The following ZNF37A variants were observed in gnomAD, a reference collection of about 807,000 sequenced individuals.
ZNF37A encodes the protein zinc finger protein 37a (KOX 21).
Under a neutral mutation model 12.3 loss-of-function variants are expected in ZNF37A, and 10 were observed. That is an observed-to-expected ratio of 0.82 (90% CI 0.50 to 1.38). ZNF37A has a LOEUF of 1.38. Ranked by LOEUF, ZNF37A falls within the 40% of genes most tolerant of loss-of-function variation. ZNF37A has a pLI of 0.00. For synonymous variants in ZNF37A, 207 were observed against 223.0 expected, an observed-to-expected ratio of 0.93 and a Z score of 0.64; for missense variants, 580 against 651.2, an observed-to-expected ratio of 0.89 and a Z score of 1.19.
chr10:38,145,352 G>T (rs1339066888), intron 7 of ZNF37A, among the ~76,000 whole-genome samples: 1 of 152,128 alleles, frequency 6.6e-6, no homozygotes, highest in African/African-American at 2.4e-5. Flanking sequence ...TGTCTTGATA[G>T]GGTGTCTAGC....
In ZNF37A at chr10:38,124,049, A is replaced by G. The variant is rs2069862716; in HGVS notation, c.*5212A>G. On this transcript the variant is annotated 3_prime_UTR_variant, in exon 8 of 8. Transcript: ENST00000685332. ...TCTGCACCGTGTTTACTGTAGCACT[A>G]CTCACAATAGCCAAGATTTGGAAGC... 1.3e-5 allele frequency: 2 copies of G among 152,224 alleles called. No individual in the cohort carries two copies. The highest frequency in any genetic ancestry group is 6.5e-5 in the Admixed American group (1 of 15,274). The allele number at this position is 152,224 out of a possible 1,614,324, so 9.4% of individuals were successfully genotyped here. A position where few individuals can be genotyped will look rare whatever the true frequency, so the allele number is the denominator to read the frequency against.
At chr10:38,105,623 G>T (rs1397952219) in intron 5 of ZNF37A, among the ~76,000 whole-genome samples, 1 of 152,102 alleles carries the variant, frequency 6.6e-6, no homozygotes, top group African/African-American at 2.4e-5. Context: ...ATTCATGAAG[G>T]CAGAGCTTCC....
chr10:38,122,966 T>C lies in ZNF37A; in HGVS notation c.*4129T>C, dbSNP rs1298824916. On this transcript the variant is annotated 3_prime_UTR_variant, in exon 8 of 8. Coordinates refer to ENST00000685332, the MANE Select transcript of ZNF37A (RefSeq NM_001324250.3). The stretch of plus-strand genomic sequence containing the variant: ...AGTACTACAAAGAAATACTTGAGAC[T>C]GAGTAATTTATAAAGAAGAGGTTTA... 6.6e-6 allele frequency: 1 copy of C among 152,278 alleles called. No homozygotes were observed. Among genetic ancestry groups the C allele is most frequent in the Non-Finnish European group, 1.5e-5 (1 of 68,064 alleles). 9.4% of individuals were successfully genotyped at this position (152,278 alleles called of 1,614,324 possible).
intron 5 of ZNF37A, among the ~76,000 whole-genome samples, chr10:38,112,806 T>TTGG (rs2068920843): frequency 6.7e-6 from 1 of 148,600 alleles, no homozygotes; most frequent in Non-Finnish European, 1.5e-5. Context: ...TTGTCTTGTC[T>TTGG]TGTCTTCTTT....
downstream of ZNF37A, among the ~76,000 whole-genome samples, chr10:38,126,824 C>T (rs574745246): frequency 1.5e-4 from 22 of 151,542 alleles, no homozygotes; most frequent in South Asian, 2.9e-3. Flanking sequence ...CACCCCAGGC[C>T]GAAGCTTTTT....
At chr10:38,138,282 G>T (rs2070137178) in intron 7 of ZNF37A, 1 of 152,218 alleles carries the variant, frequency 6.6e-6, no homozygotes, top group South Asian at 2.1e-4. Flanking sequence ...TCTGGGGACA[G>T]TCAGCTCAAC....
rs997676545 is a variant in ZNF37A, at chr10:38,123,895, T to C, written c.*5058T>C. 6.6e-6 allele frequency: 1 copy of C among 152,152 alleles called. No homozygotes were observed. The highest frequency in any genetic ancestry group is 1.5e-5 in the Non-Finnish European group (1 of 68,002). 9.4% of individuals were successfully genotyped at this position (152,152 alleles called of 1,614,324 possible). On this transcript the variant is annotated 3_prime_UTR_variant, in exon 8 of 8. Transcript: ENST00000685332. The stretch of plus-strand genomic sequence containing the variant: ...AACCTCGTGCACTGTGGAAATGTTA[T>C]TAGTACAACCACTATGGACAACAAT...
At chr10:38,116,005 G>A (rs191968823) in intron 7 of ZNF37A, among the ~76,000 whole-genome samples, 19 of 152,206 alleles carry the variant, frequency 1.2e-4, no homozygotes, top group South Asian at 4.1e-4. Context: ...CCTGGGAAGA[G>A]GCTGCAGTTA....
downstream of ZNF37A, among the ~76,000 whole-genome samples, chr10:38,126,496 G>C (rs1443381770): frequency 6.6e-6 from 1 of 152,154 alleles, no homozygotes; most frequent in Non-Finnish European, 1.5e-5. Context: ...GGCAATACTC[G>C]TCTTAGTGAC....
At chr10:38,138,588 AGTGAG>A (rs1208232564) in intron 7 of ZNF37A, 2 of 152,228 alleles carry the variant, frequency 1.3e-5, no homozygotes, top group African/African-American at 4.8e-5. Flanking sequence ...TAGAATACTT[AGTGAG>A]GTCTAAAATG....
intron 7 of ZNF37A, among the ~76,000 whole-genome samples, chr10:38,116,137 GA>G (rs1205927530): frequency 6.6e-6 from 1 of 152,090 alleles, no homozygotes. Context: ...CGTGAAGCCT[GA>G]AAAAATTTGT....
chr10:38,128,306 G>A (rs1268300218), downstream of ZNF37A, among the ~76,000 whole-genome samples: 2 of 152,070 alleles, frequency 1.3e-5, no homozygotes, highest in Non-Finnish European at 2.9e-5. Context: ...TCGGGCCCTG[G>A]GGTTATGGTG....
At chr10:38,117,264 A>C in intron 7 of ZNF37A, 126 bp from the exon 8 acceptor site, 1 of 1,451,294 alleles carries the variant, frequency 6.9e-7, no homozygotes, top group South Asian at 1.5e-5. Context: ...GGAAGTGTGC[A>C]CATTGTCATA....
chr10:38,106,549 TA>T (rs917588376), intron 5 of ZNF37A, among the ~76,000 whole-genome samples: 6 of 151,990 alleles, frequency 3.9e-5, no homozygotes, highest in Admixed American at 6.5e-5. Context: ...TAATAATAAC[TA>T]ACTCCTCCAA....
chr10:38,146,512 C>T lies in ZNF37A; in HGVS notation c.239-220C>T, dbSNP rs567549801. On this transcript the variant is annotated intron_variant, in intron 7 of 7. Coordinates refer to the ZNF37A transcript ENST00000638053. Reference sequence around the variant, plus strand: ...ATTTTATTGGTGAAAAGACAGATCCCGAGAGACAATGACAAAGATACTTGA... The same window carrying T: ...ATTTTATTGGTGAAAAGACAGATCCTGAGAGACAATGACAAAGATACTTGA... 7.2e-5 allele frequency among the ~76,000 whole-genome samples: 11 copies of T among 152,196 alleles called. No individual in the cohort carries two copies. The South Asian group carries it at 1.2e-3, about 17-fold the overall frequency.
In ZNF37A at chr10:38,119,422, T is replaced by C. The variant is rs2069559307; in HGVS notation, c.*585T>C. The C allele has an allele frequency of 6.1e-6, 6 of 985,144 alleles. No individual in the cohort carries two copies. The highest frequency in any genetic ancestry group is 7.2e-6 in the Non-Finnish European group (6 of 828,458). 61.0% of individuals were successfully genotyped at this position (985,144 alleles called of 1,614,324 possible). A position where few individuals can be genotyped will look rare whatever the true frequency, so the allele number is the denominator to read the frequency against. On this transcript the variant is annotated 3_prime_UTR_variant, in exon 8 of 8. Transcript: ENST00000685332. ...CTATGAGGTTATATTTTATGGAGTA[T>C]ATGTAATAAGAAGTAGCTTCTCAGT...
At chr10:38,135,221 C>T (rs2070092428) in intron 7 of ZNF37A, among the ~76,000 whole-genome samples, 1 of 152,060 alleles carries the variant, frequency 6.6e-6, no homozygotes, top group Admixed American at 6.6e-5. Flanking sequence ...CCCGTCTCTA[C>T]TAAAAATACA....
intron 5 of ZNF37A, among the ~76,000 whole-genome samples, chr10:38,101,526 C>A (rs1333792871): frequency 1.3e-5 from 2 of 151,794 alleles, no homozygotes; most frequent in Non-Finnish European, 2.9e-5. Context: ...CTTGAAATTC[C>A]ATGTTAACTT....
At chr10:38,104,177 C>T (rs187926883) in intron 5 of ZNF37A, among the ~76,000 whole-genome samples, 1 of 152,138 alleles carries the variant, frequency 6.6e-6, no homozygotes, top group African/African-American at 2.4e-5. Flanking sequence ...TCTCATCTGG[C>T]TACTGTGGCC....
Sources: gnomAD v4.1 joint callset for allele counts (sites outside exome capture counted in the v4.1 genomes callset) on GRCh38, gnomAD v4.1.1 for gene constraint, MANE v1.5 for transcripts, NCBI Gene and HGNC (gene_info 2026-07-23, HGNC 2026-07-21) for gene names.